RANBP6: variants seen among roughly 807,000 people sequenced by gnomAD.
The protein encoded by RANBP6 is RAN binding protein 6, also known as ran-binding protein 6.
In RANBP6, 10 loss-of-function variants were observed where a neutral mutation model predicts 35.3. That is an observed-to-expected ratio of 0.28 (90% CI 0.17 to 0.48). The LOEUF is 0.48. Ranked by LOEUF, RANBP6 falls within the 20% of genes least tolerant of loss-of-function variation. The pLI, the probability that RANBP6 is intolerant of heterozygous loss-of-function variation, is 0.99. For synonymous variants in RANBP6, 514 were observed against 464.2 expected (o/e 1.11, Z -1.38); for missense variants, 1,392 against 1,307.7 (o/e 1.06, Z -0.99).
chr9:6,014,642 A>T lies in RANBP6; in HGVS notation c.966T>A (p.Asp322Glu), dbSNP rs1276700194. The T allele has an allele frequency of 3.0e-5, 49 of 1,614,070 alleles. No individual in the cohort carries two copies. Among genetic ancestry groups the T allele is most frequent in the Non-Finnish European group, 4.2e-5 (49 of 1,180,032 alleles). Residue 322 changes from aspartate to glutamate, a missense_variant, in exon 1 of 1, where the codon GAT becomes GAA. Coordinates refer to ENST00000259569, the MANE Select transcript of RANBP6 (RefSeq NM_012416.4). ...AVPHILAMMV[D>E]LQDDEDWVNA... ...TTACCCAGTCCTCATCATCTTGTAG[A>T]TCAACCATCATTGCTAATATATGAG...
In RANBP6 at chr9:6,014,328, G is replaced by A. The variant is rs1397669867; in HGVS notation, c.1280C>T (p.Ala427Val). ...QDPHPRVRAA[A>V]CTTLGQMATD... The stretch of plus-strand genomic sequence containing the variant: ...AGCCATCTGTCCAAGTGTAGTACAG[G>A]CTGCAGCCCTCACCCTTGGATGAGG... Residue 427 changes from alanine to valine, a missense_variant, in exon 1 of 1, where the codon GCC (alanine) becomes GTC (valine). Physicochemically the swap from Ala to Val is moderately conservative, Grantham distance 64. Coordinates refer to ENST00000259569, the MANE Select transcript of RANBP6 (RefSeq NM_012416.4). The A allele has an allele frequency of 1.9e-6, 3 of 1,614,072 alleles. No homozygotes were observed. Among genetic ancestry groups the A allele is most frequent in the African/African-American group, 1.3e-5 (1 of 74,942 alleles).
rs769671997 is a variant in RANBP6, at chr9:6,015,622, G to A, written c.-15C>T. Reference sequence around the variant, plus strand: ...GTTGCCGCCATTGCGCTCTGTCAAAGCTACCGCGACCGGGAAGGAGGGAGG... The same window carrying A: ...GTTGCCGCCATTGCGCTCTGTCAAAACTACCGCGACCGGGAAGGAGGGAGG... On this transcript the variant is annotated 5_prime_UTR_variant, in exon 1 of 1. Coordinates refer to ENST00000259569, the MANE Select transcript of RANBP6 (RefSeq NM_012416.4). 8 of 1,569,810 alleles carry A rather than the reference G, an allele frequency of 5.1e-6. No individual in the cohort carries two copies. In the East Asian group the frequency reaches 1.8e-4, roughly 35 times the overall value.
rs751486562 is a variant in RANBP6 at position 6,015,033 on chromosome 9, T to C, written c.575A>G (p.Gln192Arg). 6.2e-7 allele frequency: 1 copy of C among 1,614,238 alleles called. No homozygotes were observed. The highest frequency in any genetic ancestry group is 1.1e-5 in the South Asian group (1 of 91,092). Residue 192 changes from glutamine to arginine, a missense_variant, in exon 1 of 1, where the codon CAA becomes CGA. By Grantham distance (43) the Gln-to-Arg change is conservative. Transcript: ENST00000259569. ...TAATGTCCTGATTGCTGGATGTTCT[T>C]GATCTTGAATACACTGGTCCAACAA... ...KRLLDQCIQDQEHPAIRTLSA... is the reference protein window; with the variant it reads ...KRLLDQCIQDREHPAIRTLSA...
Position 6,014,369 on chromosome 9 carries a change from C to G in RANBP6, c.1239G>C (p.Leu413Phe), listed in dbSNP as rs1842536226. Residue 413 changes from leucine to phenylalanine, a missense_variant, in exon 1 of 1, where the codon TTG becomes TTC. Physicochemically the swap from Leu to Phe is conservative, Grantham distance 22. Transcript: ENST00000259569. ...SILDETVNSV[L>F]LFLQDPHPRV... ...TTGGATGAGGATCCTGAAGAAAAAG[C>G]AAAACGGAGTTAACTGTTTCATCTA... 6.2e-7 allele frequency: 1 copy of G among 1,613,594 alleles called. No homozygotes were observed.
Position 6,013,443 on chromosome 9 carries a change from T to C in RANBP6, c.2165A>G (p.Tyr722Cys), listed in dbSNP as rs750840434. 9 of 1,614,066 alleles carry C rather than the reference T, an allele frequency of 5.6e-6. No homozygotes were observed. Among genetic ancestry groups the C allele is most frequent in the Non-Finnish European group, 7.6e-6 (9 of 1,180,036 alleles). The change falls in exon 1 of 1, where the codon TAT becomes TGT. Residue 722 changes from tyrosine to cysteine, a missense_variant. By Grantham distance (194) the Tyr-to-Cys change is radical. Transcript: ENST00000259569. ...TGCCACTCGAACATTGTCATGGAAA[T>C]AAAATTTCAGTAAAGGAACCATCAG... is the stretch of plus-strand genomic sequence containing the variant. ...VKLMVPLLKF[Y>C]FHDNVRVAAA...
chr9:6,014,044 T>C lies in RANBP6; in HGVS notation c.1564A>G (p.Thr522Ala), dbSNP rs1278977859. 3.1e-6 allele frequency: 5 copies of C among 1,613,720 alleles called. No homozygotes were observed. Among genetic ancestry groups the C allele is most frequent in the African/African-American group, 1.3e-5 (1 of 74,934 alleles). ...GTKLALEQLV[T>A]TIASVADTIE... ...GTATCTGCAACTGATGCAATGGTTG[T>C]CACAAGTTGTTCCAAAGCCAACTTA... The change falls in exon 1 of 1, where the codon ACA (threonine) becomes GCA (alanine). Residue 522 changes from threonine (T) to alanine (A), a missense_variant. Coordinates refer to ENST00000259569, the MANE Select transcript of RANBP6 (RefSeq NM_012416.4).
chr9:6,012,574 C>T lies in RANBP6; in HGVS notation c.3034G>A (p.Glu1012Lys), dbSNP rs564392776. The change falls in exon 1 of 1, where the codon GAA becomes AAA. Residue 1012 changes from glutamate to lysine, a missense_variant. Glu to Lys is a moderately conservative substitution (Grantham distance 56). Transcript: ENST00000259569. ...PHWLSWLPLHEDKEEAIQTLS... is the reference protein window; with the variant it reads ...PHWLSWLPLHKDKEEAIQTLS... ...GTCTGAATAGCTTCCTCTTTATCTTCATGCAGTGGAAGCCATGATAACCAG... is the reference window on the plus strand; with the variant it reads ...GTCTGAATAGCTTCCTCTTTATCTTTATGCAGTGGAAGCCATGATAACCAG... The T allele has an allele frequency of 9.3e-6, 15 of 1,614,056 alleles. No homozygotes were observed. In the East Asian group the frequency reaches 3.1e-4, roughly 34 times the overall value.
Position 6,013,119 on chromosome 9 carries a change from T to G in RANBP6, c.2489A>C (p.Gln830Pro). Residue 830 changes from glutamine to proline, a missense_variant, in exon 1 of 1, where the codon CAA (glutamine) becomes CCA (proline). Physicochemically the swap from Gln to Pro is moderately conservative, Grantham distance 76. Coordinates refer to ENST00000259569, the MANE Select transcript of RANBP6 (RefSeq NM_012416.4). ...QVKRQEENYD[Q>P]QVEMSLQDED... ...ATCTTGCAGAGACATCTCAACCTGTTGATCATAGTTTTCTTCCTGTCTTTT... is the reference window on the plus strand; with the variant it reads ...ATCTTGCAGAGACATCTCAACCTGTGGATCATAGTTTTCTTCCTGTCTTTT... 1 of 1,614,114 alleles carries G rather than the reference T, an allele frequency of 6.2e-7. No homozygotes were observed. The highest frequency in any genetic ancestry group is 8.5e-7 in the Non-Finnish European group (1 of 1,180,020).
In RANBP6 at chr9:6,014,987, T is replaced by C. The variant is rs748676177; in HGVS notation, c.621A>G (p.Ala207=). The change falls in exon 1 of 1, where the codon GCA becomes GCG. Residue 207 remains alanine (A), a synonymous_variant. Transcript: ENST00000259569. Reference sequence around the variant, plus strand: ...TATTATTCTCATTAGCAAGTACAAATGCAGCTGCAGCTCTAGCGGATAATG... The same window carrying C: ...TATTATTCTCATTAGCAAGTACAAACGCAGCTGCAGCTCTAGCGGATAATG... The part of the protein sequence containing the change: ...IRTLSARAAA[A]FVLANENNIA... 1.9e-6 allele frequency: 3 copies of C among 1,614,108 alleles called. No homozygotes were observed. Among genetic ancestry groups the C allele is most frequent in the Non-Finnish European group, 2.5e-6 (3 of 1,180,052 alleles).
In RANBP6 at chr9:6,014,390, A is replaced by T. The variant is rs780575003; in HGVS notation, c.1218T>A (p.Asp406Glu). The T allele has an allele frequency of 3.1e-6, 5 of 1,614,080 alleles. No homozygotes were observed. The highest frequency in any genetic ancestry group is 4.2e-6 in the Non-Finnish European group (5 of 1,180,016). The stretch of plus-strand genomic sequence containing the variant: ...AAAGCAAAACGGAGTTAACTGTTTC[A>T]TCTAGAATTGATTCCATTTGTTGAT... Reference protein sequence around the residue: ...GCHQQMESILDETVNSVLLFL... With the variant: ...GCHQQMESILEETVNSVLLFL... The change falls in exon 1 of 1, where the codon GAT becomes GAA. Residue 406 changes from aspartate to glutamate, a missense_variant. Physicochemically the swap from Asp to Glu is conservative, Grantham distance 45 (BLOSUM62 2). Transcript: ENST00000259569.
Position 6,015,355 on chromosome 9 carries a change from C to G in RANBP6, c.253G>C (p.Val85Leu). Reference sequence around the variant, plus strand: ...ACATCAGCAGGCAGATTTGGATAAACCTCCTCAAACCCAGAGGACAAAAGC... The same window carrying G: ...ACATCAGCAGGCAGATTTGGATAAAGCTCCTCAAACCCAGAGGACAAAAGC... ...RRLLSSGFEEVYPNLPADVQR... is the reference protein window; with the variant it reads ...RRLLSSGFEELYPNLPADVQR... The change falls in exon 1 of 1, where the codon GTT becomes CTT. Residue 85 changes from valine (V) to leucine (L), a missense_variant. Coordinates refer to ENST00000259569, the MANE Select transcript of RANBP6 (RefSeq NM_012416.4). The G allele has an allele frequency of 6.2e-7, 1 of 1,614,214 alleles. No individual in the cohort carries two copies. The highest frequency in any genetic ancestry group is 8.5e-7 in the Non-Finnish European group (1 of 1,180,044).
rs1842512274 is a variant in RANBP6 at position 6,013,434 on chromosome 9, T to C, written c.2174A>G (p.Asp725Gly). Residue 725 changes from aspartate to glycine, a missense_variant, in exon 1 of 1, where the codon GAC (aspartate) becomes GGC (glycine). Asp to Gly is a moderately conservative substitution (Grantham distance 94). Coordinates refer to ENST00000259569, the MANE Select transcript of RANBP6 (RefSeq NM_012416.4). ...CTCTGCTGCTGCCACTCGAACATTGTCATGGAAATAAAATTTCAGTAAAGG... is the reference window on the plus strand; with the variant it reads ...CTCTGCTGCTGCCACTCGAACATTGCCATGGAAATAAAATTTCAGTAAAGG... ...MVPLLKFYFH[D>G]NVRVAAAESM... 1.2e-6 allele frequency: 2 copies of C among 1,614,084 alleles called. No homozygotes were observed. Among genetic ancestry groups the C allele is most frequent in the Admixed American group, 1.7e-5 (1 of 60,012 alleles).
chr9:6,014,083 T>A lies in RANBP6; in HGVS notation c.1525A>T (p.Ile509Phe). The A allele has an allele frequency of 1.2e-6, 2 of 1,614,076 alleles. No homozygotes were observed. The highest frequency in any genetic ancestry group is 2.2e-5 in the South Asian group (2 of 91,066). ...SVLVIKLQEL[I>F]RNGTKLALEQ... is the part of the protein sequence containing the mutation. ...AAAGCCAACTTAGTTCCATTCCGAA[T>A]CAACTCTTGAAGTTTAATCACCAAG... The change falls in exon 1 of 1, where the codon ATT (isoleucine) becomes TTT (phenylalanine). Residue 509 changes from isoleucine (I) to phenylalanine (F), a missense_variant. Transcript: ENST00000259569.
At position 6,012,156 on chromosome 9, in the gene RANBP6, G is replaced by C. The variant is rs1021694563; in HGVS notation, c.*134C>G. On this transcript the variant is annotated 3_prime_UTR_variant, in exon 1 of 1. Transcript: ENST00000259569. ...CAGAGGACTAACACTGATTAATTCT[G>C]GAGAAACATGGAGAAGAACTATAAA... 1.7e-4 allele frequency: 110 copies of C among 659,306 alleles called. No homozygotes were observed. Among genetic ancestry groups the C allele is most frequent in the Non-Finnish European group, 2.3e-4 (94 of 413,696 alleles). 40.8% of individuals were successfully genotyped at this position (659,306 alleles called of 1,614,324 possible). A position where few individuals can be genotyped will look rare whatever the true frequency, so the allele number is the denominator to read the frequency against.
At position 6,012,862 on chromosome 9, in the gene RANBP6, A is replaced by G. The variant is rs1842499873; in HGVS notation, c.2746T>C (p.Trp916Arg). 1 of 1,614,044 alleles carries G rather than the reference A, an allele frequency of 6.2e-7. No individual in the cohort carries two copies. The highest frequency in any genetic ancestry group is 8.5e-7 in the Non-Finnish European group (1 of 1,179,980). ...TSFKYVEYFR[W>R]PMLLNMRDNN... Reference sequence around the variant, plus strand: ...TCTCGCATATTTAGTAGCATTGGCCACCGAAAATATTCTACATATTTAAAT... The same window carrying G: ...TCTCGCATATTTAGTAGCATTGGCCGCCGAAAATATTCTACATATTTAAAT... Residue 916 changes from tryptophan to arginine, a missense_variant, in exon 1 of 1, where the codon TGG becomes CGG. Coordinates refer to ENST00000259569, the MANE Select transcript of RANBP6 (RefSeq NM_012416.4).
At position 6,013,432 on chromosome 9, in the gene RANBP6, T is replaced by A; in HGVS notation, c.2176A>T (p.Asn726Tyr). The change falls in exon 1 of 1, where the codon AAT becomes TAT. Residue 726 changes from asparagine (N) to tyrosine (Y), a missense_variant. Transcript: ENST00000259569. ...GACTCTGCTGCTGCCACTCGAACATTGTCATGGAAATAAAATTTCAGTAAA... is the reference window on the plus strand; with the variant it reads ...GACTCTGCTGCTGCCACTCGAACATAGTCATGGAAATAAAATTTCAGTAAA... ...VPLLKFYFHD[N>Y]VRVAAAESMP... 1 of 1,614,180 alleles carries A rather than the reference T, an allele frequency of 6.2e-7. No individual in the cohort carries two copies. Among genetic ancestry groups the A allele is most frequent in the Non-Finnish European group, 8.5e-7 (1 of 1,180,012 alleles).
At position 6,014,743 on chromosome 9, in the gene RANBP6, C is replaced by A. The variant is rs1563990348; in HGVS notation, c.865G>T (p.Glu289Ter). The change falls in exon 1 of 1, where the codon GAA (glutamate) becomes TAA (stop). Residue 289 changes from glutamate to a stop codon, truncating the protein, a stop_gained. Coordinates refer to ENST00000259569, the MANE Select transcript of RANBP6 (RefSeq NM_012416.4). LOFTEE classifies it low-confidence loss of function (END_TRUNC). ...GTTTCAGACAAGGTCACTATAACTT[C>A]GAGGGCCAGCTGGCGCTGCAGATTA... ...LSNLQRQLAL[E>*]VIVTLSETAT... 6.2e-7 allele frequency: 1 copy of A among 1,613,998 alleles called. No individual in the cohort carries two copies. The highest frequency in any genetic ancestry group is 1.3e-5 in the African/African-American group (1 of 74,916).
In RANBP6 at chr9:6,013,127, G is replaced by A; in HGVS notation, c.2481C>T (p.Asn827=). 1 of 1,614,020 alleles carries A rather than the reference G, an allele frequency of 6.2e-7. No individual in the cohort carries two copies. Among genetic ancestry groups the A allele is most frequent in the South Asian group, 1.1e-5 (1 of 91,072 alleles). ...GAGACATCTCAACCTGTTGATCATA[G>A]TTTTCTTCCTGTCTTTTCACCTGTC... The part of the protein sequence containing the change: ...ELRQVKRQEE[N]YDQQVEMSLQ... The change falls in exon 1 of 1, where the codon AAC becomes AAT. Residue 827 remains asparagine, a synonymous_variant. Coordinates refer to ENST00000259569, the MANE Select transcript of RANBP6 (RefSeq NM_012416.4).
Position 6,015,096 on chromosome 9 carries a change from C to T in RANBP6, c.512G>A (p.Gly171Glu). Residue 171 changes from glycine to glutamate, a missense_variant, in exon 1 of 1, where the codon GGG becomes GAG. Gly to Glu is a moderately conservative substitution (Grantham distance 98, BLOSUM62 -2). Transcript: ENST00000259569. ...HVFWHFPGIF[G>E]TQERHDLDII... is the part of the protein sequence containing the mutation. ...ATCCAAATCATGCCGCTCTTGGGTC[C>T]CAAAAATCCCAGGAAAGTGCCAGAA... 1.2e-6 allele frequency: 2 copies of T among 1,614,082 alleles called. No individual in the cohort carries two copies. Among genetic ancestry groups the T allele is most frequent in the Non-Finnish European group, 8.5e-7 (1 of 1,180,030 alleles).
Sources: gnomAD v4.1 joint callset for allele counts on GRCh38, gnomAD v4.1.1 for gene constraint, MANE v1.5 for transcripts, NCBI Gene and HGNC (gene_info 2026-07-23, HGNC 2026-07-21) for gene names.